The following MBNL1 variants were observed in gnomAD, a reference collection of about 807,000 sequenced individuals.
The protein encoded by MBNL1 is muscleblind-like protein 1.
In MBNL1, 8 loss-of-function variants were observed where a neutral mutation model predicts 42.2. The observed-to-expected ratio is 0.19, with a 90% CI of 0.11 to 0.34. The LOEUF is 0.34. Among genes scored for constraint, MBNL1 ranks in the 10% least tolerant of loss-of-function variants. MBNL1 has a pLI of 1.00. For missense variants in MBNL1, 309 were observed against 495.3 expected (o/e 0.62, Z 3.57); for synonymous variants, 169 against 173.9 (o/e 0.97, Z 0.22).
chr3:152,384,128 A>C lies in MBNL1; in HGVS notation c.175-30813A>C, dbSNP rs137913028. Among the ~76,000 whole-genome samples the C allele has an allele frequency of 2.0e-3, 306 of 152,262 alleles. 5 individuals carry two copies. The highest frequency in any genetic ancestry group is 2.5e-3 in the East Asian group (13 of 5,192). On this transcript the variant is annotated intron_variant, in intron 2 of 9. Coordinates refer to ENST00000324210, the MANE Select transcript of MBNL1 (RefSeq NM_021038.5). ...TATAGACTTCATATGCTTAGTGTAC[A>C]ACAGAAGTTTGTAATGTTTTATTTT...
At chr3:152,304,684 G>A (rs948403555) in intron 2 of MBNL1, among the ~76,000 whole-genome samples, 3 of 152,242 alleles carry the variant, frequency 2.0e-5, no homozygotes, top group Middle Eastern at 3.4e-3. Flanking sequence ...CATAACCTGC[G>A]CAGCAGTATG....
At chr3:152,390,266 T>G (rs1408711592) in intron 2 of MBNL1, among the ~76,000 whole-genome samples, 2 of 152,002 alleles carry the variant, frequency 1.3e-5, no homozygotes, top group Non-Finnish European at 2.9e-5. Context: ...TCTATTTTTT[T>G]TTTTATTTTG....
intron 2 of MBNL1, among the ~76,000 whole-genome samples, chr3:152,248,481 T>C (rs1427676981): frequency 6.6e-6 from 1 of 152,050 alleles, no homozygotes; most frequent in African/African-American, 2.4e-5. Flanking sequence ...TGTGCTCTCA[T>C]TTTTTTCTTT....
chr3:152,445,763 G>T (rs1172444446), intron 5 of MBNL1, among the ~76,000 whole-genome samples: 1 of 152,158 alleles, frequency 6.6e-6, no homozygotes, highest in Non-Finnish European at 1.5e-5. Context: ...CTCTTAATCT[G>T]TCTTATTGTG....
intron 2 of MBNL1, among the ~76,000 whole-genome samples, chr3:152,347,533 A>C (rs1371160226): frequency 1.3e-5 from 2 of 152,248 alleles, no homozygotes; most frequent in East Asian, 3.9e-4. Context: ...GCATCAGGTC[A>C]GTTTACACTG....
chr3:152,327,777 C>CTATA lies in MBNL1; in HGVS notation c.174+27420_174+27423dup, dbSNP rs141742002. 2.9e-4 allele frequency among the ~76,000 whole-genome samples: 43 copies of CTATA among 150,272 alleles called. No homozygotes were observed. The South Asian group carries it at 7.2e-3, about 25-fold the overall frequency. ...TTGGTATCATATACTATATTTTTTT[C>CTATA]TATATATATATATGCTACTATATAG... is the stretch of plus-strand genomic sequence containing the variant. On this transcript the variant is annotated intron_variant, in intron 2 of 9. Transcript: ENST00000324210.
intron 9 of MBNL1, among the ~76,000 whole-genome samples, chr3:152,461,403 A>G (rs1330700921): frequency 6.6e-6 from 1 of 152,248 alleles, no homozygotes; most frequent in African/African-American, 2.4e-5. Context: ...TTGTAGGTTT[A>G]GAAGAAGAGG....
At chr3:152,340,572 G>T in intron 2 of MBNL1, 2 of 1,613,584 alleles carry the variant, frequency 1.2e-6, no homozygotes. Flanking sequence ...CAACTGACAG[G>T]ATCTGTTCAC....
intron 2 of MBNL1, among the ~76,000 whole-genome samples, chr3:152,394,962 G>A (rs1467033096): frequency 6.6e-6 from 1 of 152,112 alleles, no homozygotes; most frequent in African/African-American, 2.4e-5. Context: ...AGGTTCAAGC[G>A]ATTCTGCTGC....
At chr3:152,402,524 C>G (rs562155783) in intron 2 of MBNL1, among the ~76,000 whole-genome samples, 1 of 152,306 alleles carries the variant, frequency 6.6e-6, no homozygotes, top group South Asian at 2.1e-4. Flanking sequence ...GGGACTGTTT[C>G]TCTGTGCTTG....
intron 2 of MBNL1, among the ~76,000 whole-genome samples, chr3:152,325,082 T>TCCCCCCCC (rs1560149912): frequency 2.4e-5 from 1 of 41,030 alleles, no homozygotes; most frequent in Non-Finnish European, 4.8e-5. Flanking sequence ...TAATGCCACA[T>TCCCCCCCC]ACCCGCCCCC....
chr3:152,373,611 CT>C (rs2096774737), intron 2 of MBNL1, among the ~76,000 whole-genome samples: 1 of 152,156 alleles, frequency 6.6e-6, no homozygotes, highest in Non-Finnish European at 1.5e-5. Context: ...TGCACCCCCC[CT>C]GCTTTGGCTC....
intron 2 of MBNL1, among the ~76,000 whole-genome samples, chr3:152,313,892 T>C (rs903017200): frequency 6.6e-6 from 1 of 152,240 alleles, no homozygotes; most frequent in African/African-American, 2.4e-5. Flanking sequence ...ATTTATATTG[T>C]CTGTACCTGA....
intron 2 of MBNL1, among the ~76,000 whole-genome samples, chr3:152,255,951 A>G (rs1042924345): frequency 1.3e-5 from 2 of 152,152 alleles, no homozygotes; most frequent in Non-Finnish European, 2.9e-5. Flanking sequence ...GTCTCAAAGG[A>G]TGGTGGGAGA....
At chr3:152,303,248 G>A (rs949956237) in intron 2 of MBNL1, among the ~76,000 whole-genome samples, 1 of 152,086 alleles carries the variant, frequency 6.6e-6, no homozygotes, top group South Asian at 2.1e-4. Flanking sequence ...ACATGACAAC[G>A]AGGAATGTAG....
intron 2 of MBNL1, among the ~76,000 whole-genome samples, chr3:152,310,651 C>T (rs1251387764): frequency 6.6e-6 from 1 of 152,164 alleles, no homozygotes; most frequent in South Asian, 2.1e-4. Context: ...TCTAGAAAGT[C>T]ACTTCTGAAT....
chr3:152,324,668 T>C (rs1394908917), intron 2 of MBNL1, among the ~76,000 whole-genome samples: 1 of 152,192 alleles, frequency 6.6e-6, no homozygotes, highest in African/African-American at 2.4e-5. Context: ...GGAATAGCCA[T>C]GTAGAATTTT....
intron 2 of MBNL1, among the ~76,000 whole-genome samples, chr3:152,310,887 G>T (rs1003553466): frequency 1.5e-4 from 22 of 151,578 alleles, no homozygotes; most frequent in African/African-American, 4.8e-4. Context: ...TGAGGTAAAG[G>T]CATCAGATAA....
At chr3:152,451,994 A>T (rs1443571113) in intron 6 of MBNL1, among the ~76,000 whole-genome samples, 4 of 152,230 alleles carry the variant, frequency 2.6e-5, no homozygotes, top group African/African-American at 9.6e-5. Context: ...CTCAATATCT[A>T]TTACACGAAG....
Sources: allele counts gnomAD v4.1 joint callset (sites outside exome capture counted in the v4.1 genomes callset), GRCh38; gene constraint gnomAD v4.1.1; transcripts MANE v1.5; gene names NCBI Gene and HGNC (gene_info 2026-07-23, HGNC 2026-07-21).